SATL1: variants seen among roughly 807,000 people sequenced by gnomAD.
SATL1 encodes the protein spermidine/spermine N1-acetyl transferase like 1, also known as spermidine/spermine N(1)-acetyltransferase-like protein 1.
Under a neutral mutation model 51.8 loss-of-function variants are expected in SATL1, and 47 were observed. The ratio of observed to expected loss-of-function variants is 0.91; its 90% CI spans 0.72 to 1.16. The LOEUF is 1.16. Among genes scored for constraint, SATL1 ranks in the 50% most tolerant of loss-of-function variants. The pLI, the probability that SATL1 is intolerant of heterozygous loss-of-function variation, is 0.00. For missense variants in SATL1, 520 were observed against 526.4 expected, an observed-to-expected ratio of 0.99 and a Z score of 0.12; for synonymous variants, 176 against 182.4, an observed-to-expected ratio of 0.97 and a Z score of 0.28.
rs1162030523 is a variant in SATL1, at chrX:85,164,646, C to G, written c.-312-55366G>C. Among the ~76,000 whole-genome samples the G allele has an allele frequency of 2.7e-5, 3 of 110,262 alleles. No homozygotes were observed. The Admixed American group carries it at 2.9e-4, about 11-fold the overall frequency. On this transcript the variant is annotated intron_variant, in intron 2 of 7. Coordinates refer to ENST00000644105, the MANE Select transcript of SATL1 (RefSeq NM_001367857.2). ...GGGTTTTCTTTTTGGTTACCTGATG[C>G]TTTTCCTCACAGCTCTTAAGATTCT... is the stretch of plus-strand genomic sequence containing the variant.
intron 2 of SATL1, among the ~76,000 whole-genome samples, chrX:85,138,623 A>C (rs2147712065): frequency 8.9e-6 from 1 of 112,095 alleles, no homozygotes; most frequent in Non-Finnish European, 1.9e-5. Context: ...AGCTAAATTA[A>C]TCTGGGCTTT....
At chrX:85,110,986 CTT>C (rs987596345) in intron 2 of SATL1, among the ~76,000 whole-genome samples, 2 of 112,532 alleles carry the variant, frequency 1.8e-5, no homozygotes, top group African/African-American at 6.4e-5. Flanking sequence ...GGTTAAGTAA[CTT>C]GACATAGGTC....
intron 2 of SATL1, among the ~76,000 whole-genome samples, chrX:85,193,426 G>A (rs1463993461): frequency 1.8e-5 from 2 of 111,839 alleles, no homozygotes; most frequent in Non-Finnish European, 3.8e-5. Flanking sequence ...ATTAAAGTGA[G>A]TGCAAGTGTG....
chrX:85,186,456 A>G (rs1038089918), intron 2 of SATL1, among the ~76,000 whole-genome samples: 1 of 110,596 alleles, frequency 9.0e-6, no homozygotes, highest in Non-Finnish European at 1.9e-5. Flanking sequence ...CTGCCTTTCA[A>G]GTTTATTTAG....
intron 2 of SATL1, among the ~76,000 whole-genome samples, chrX:85,125,254 T>C (rs764259417): frequency 1.1e-4 from 12 of 110,903 alleles, no homozygotes; most frequent in Admixed American, 7.7e-4. Flanking sequence ...AAATTATATA[T>C]ACCTATCTAT....
At chrX:85,147,524 T>A (rs188286513) in intron 2 of SATL1, among the ~76,000 whole-genome samples, 3 of 114,129 alleles carry the variant, frequency 2.6e-5, no homozygotes, top group African/African-American at 9.5e-5. Flanking sequence ...CCTCCTCAAG[T>A]GGGTCCCTGA....
intron 2 of SATL1, among the ~76,000 whole-genome samples, chrX:85,127,012 C>A (rs755710191): frequency 9.0e-6 from 1 of 110,692 alleles, no homozygotes; most frequent in Non-Finnish European, 1.9e-5. Context: ...TCCTTGAAGT[C>A]GGCCATCATA....
intron 2 of SATL1, among the ~76,000 whole-genome samples, chrX:85,135,623 G>A (rs1357814208): frequency 1.9e-5 from 2 of 108,039 alleles, no homozygotes; most frequent in Non-Finnish European, 3.8e-5. Flanking sequence ...CCAGGCTGGA[G>A]TGCAGTGGCA....
intron 2 of SATL1, among the ~76,000 whole-genome samples, chrX:85,188,742 C>A (rs749510409): frequency 1.3e-3 from 143 of 112,143 alleles, no homozygotes; most frequent in African/African-American, 4.4e-3. Flanking sequence ...ATGTGGATTG[C>A]AAATTTCTTA....
intron 2 of SATL1, among the ~76,000 whole-genome samples, chrX:85,156,936 A>G (rs771409205): frequency 9.8e-6 from 1 of 101,858 alleles, no homozygotes; most frequent in African/African-American, 3.7e-5. Flanking sequence ...GACTTGTGGG[A>G]ATCTCTTCAA....
intron 2 of SATL1, among the ~76,000 whole-genome samples, chrX:85,140,429 G>C (rs1175623324): frequency 9.0e-6 from 1 of 111,672 alleles, no homozygotes; most frequent in Non-Finnish European, 1.9e-5. Context: ...AGAGAGATTA[G>C]GTAACCTTCC....
chrX:85,203,111 C>G (rs1165192584), intron 2 of SATL1, among the ~76,000 whole-genome samples: 2 of 111,429 alleles, frequency 1.8e-5, no homozygotes, highest in Non-Finnish European at 3.8e-5. Context: ...TCCCTAGTCA[C>G]CTCGGATTTT....
intron 2 of SATL1, among the ~76,000 whole-genome samples, chrX:85,111,690 A>C (rs768609783): frequency 8.9e-6 from 1 of 112,243 alleles, no homozygotes; most frequent in Non-Finnish European, 1.9e-5. Flanking sequence ...ATTTTATTAA[A>C]GATCTAGTTT....
intron 2 of SATL1, among the ~76,000 whole-genome samples, chrX:85,166,959 G>A (rs1308018484): frequency 1.9e-5 from 2 of 104,472 alleles, no homozygotes; most frequent in East Asian, 3.0e-4. Flanking sequence ...GTGTGTGTGT[G>A]TGTGTGTGTG....
intron 2 of SATL1, among the ~76,000 whole-genome samples, chrX:85,172,275 T>C (rs1926988565): frequency 9.0e-6 from 1 of 111,562 alleles, no homozygotes; most frequent in Admixed American, 9.6e-5. Context: ...ACATAGACAT[T>C]TATTTAAAAA....
intron 2 of SATL1, among the ~76,000 whole-genome samples, chrX:85,218,105 G>A (rs1433090871): frequency 9.2e-6 from 1 of 108,853 alleles, no homozygotes; most frequent in Admixed American, 9.8e-5. Flanking sequence ...CAGACACTGG[G>A]GATCACTTTA....
chrX:85,151,939 T>A (rs1448085552), intron 2 of SATL1, among the ~76,000 whole-genome samples: 1 of 110,174 alleles, frequency 9.1e-6, no homozygotes, highest in Non-Finnish European at 1.9e-5. Context: ...CCAAAAACAA[T>A]GGCAACAAAA....
chrX:85,105,643 G>A (rs1307007229), intron 3 of SATL1, among the ~76,000 whole-genome samples: 2 of 111,245 alleles, frequency 1.8e-5, no homozygotes, highest in Non-Finnish European at 3.8e-5. Flanking sequence ...TCATACAGAG[G>A]ATACTTGGAA....
At chrX:85,120,359 A>G (rs2020054161) in intron 2 of SATL1, among the ~76,000 whole-genome samples, 1 of 112,041 alleles carries the variant, frequency 8.9e-6, no homozygotes, top group African/African-American at 3.2e-5. Context: ...GTCTTTCTGT[A>G]CTTCCAATGA....
Sources: gnomAD v4.1 joint callset for allele counts (sites outside exome capture counted in the v4.1 genomes callset) on GRCh38, gnomAD v4.1.1 for gene constraint, MANE v1.5 for transcripts, NCBI Gene and HGNC (gene_info 2026-07-23, HGNC 2026-07-21) for gene names.